POLK: variants seen among roughly 807,000 people sequenced by gnomAD.
POLK encodes polymerase (DNA directed) kappa.
Under a neutral mutation model 94.0 loss-of-function variants are expected in POLK, and 76 were observed. That is an observed-to-expected ratio of 0.81 (90% CI 0.67 to 0.98). The LOEUF (loss-of-function observed/expected upper bound fraction) is 0.98, where lower values mean the gene tolerates loss of function less well. POLK is among the 50% of genes least tolerant of loss of function. The pLI is 0.00. For missense variants in POLK, 954 were observed against 1,010.1 expected, an observed-to-expected ratio of 0.94 and a Z score of 0.75; for synonymous variants, 349 against 325.4, an observed-to-expected ratio of 1.07 and a Z score of -0.78.
At chr5:75,526,866 C>T (rs182854089) in intron 1 of POLK, among the ~76,000 whole-genome samples, 1 of 152,312 alleles carries the variant, frequency 6.6e-6, no homozygotes, top group East Asian at 1.9e-4. Flanking sequence ...TGGGCATGAG[C>T]CACTGCACCT....
intron 3 of POLK, among the ~76,000 whole-genome samples, chr5:75,568,098 C>A (rs1347584481): frequency 1.3e-5 from 2 of 152,128 alleles, no homozygotes; most frequent in Non-Finnish European, 2.9e-5. Flanking sequence ...AGCTCTCCAC[C>A]TTTGAGAAAA....
chr5:75,589,296 G>A (rs1046261295), intron 10 of POLK, among the ~76,000 whole-genome samples: 9 of 149,558 alleles, frequency 6.0e-5, no homozygotes, highest in African/African-American at 2.2e-4. Context: ...AGAAAAGCAG[G>A]GTACTAAACA....
rs145403964 is a variant in POLK, at chr5:75,580,673, G to A, written c.695-536G>A. The A allele has an allele frequency of 8.1e-4, 174 of 214,680 alleles. 1 individual carries two copies. In the East Asian group the frequency reaches 0.028, roughly 34 times the overall value. 13.3% of individuals were successfully genotyped at this position (214,680 alleles called of 1,614,324 possible). A position where few individuals can be genotyped will look rare whatever the true frequency, so the allele number is the denominator to read the frequency against. On this transcript the variant is annotated intron_variant, in intron 6 of 14. Coordinates refer to ENST00000241436, the Ensembl canonical transcript of POLK. ...AACAAGCAAATCAAAATTAAAATCA[G>A]CATTTGAAAGAAGAAAATTCAGATT... is the stretch of plus-strand genomic sequence containing the variant.
chr5:75,565,203 T>G, intron 3 of POLK, among the ~76,000 whole-genome samples: 1 of 152,168 alleles, frequency 6.6e-6, no homozygotes, highest in African/African-American at 2.4e-5. Flanking sequence ...CTTCCCGAAG[T>G]TCTTGTGCTG....
chr5:75,551,831 G>C (rs1393399198), intron 2 of POLK, among the ~76,000 whole-genome samples: 2 of 152,178 alleles, frequency 1.3e-5, no homozygotes, highest in East Asian at 1.9e-4. Flanking sequence ...GTTGAGTATA[G>C]AGGTACCATA....
intron 3 of POLK, among the ~76,000 whole-genome samples, chr5:75,563,840 C>T (rs577236379): frequency 1.5e-4 from 23 of 152,112 alleles, no homozygotes; most frequent in South Asian, 4.2e-4. Context: ...AGAATAATTG[C>T]GATGTGTTGC....
chr5:75,600,602 A>G lies in POLK; in HGVS notation c.*2584A>G, dbSNP rs546884127. The G allele has an allele frequency of 2.6e-5, 4 of 152,332 alleles. No individual in the cohort carries two copies. The South Asian group carries it at 6.2e-4, about 24-fold the overall frequency. 9.4% of individuals were successfully genotyped at this position (152,332 alleles called of 1,614,324 possible). ...AGGTGGCCAAGAAAAAAATTTTTTA[A>G]TGTTCATAGCAGCACTGCAATATCC... On this transcript the variant is annotated 3_prime_UTR_variant, in exon 15 of 15. Coordinates refer to ENST00000241436, the Ensembl canonical transcript of POLK.
intron 1 of POLK, among the ~76,000 whole-genome samples, chr5:75,544,090 G>A (rs1228538133): frequency 1.3e-5 from 2 of 152,280 alleles, no homozygotes; most frequent in Admixed American, 1.3e-4. Context: ...TCCTGCCTTG[G>A]CCTCACAAAG....
intron 1 of POLK, among the ~76,000 whole-genome samples, chr5:75,524,392 G>A (rs1008896669): frequency 2.0e-5 from 3 of 152,140 alleles, no homozygotes; most frequent in African/African-American, 7.2e-5. Context: ...AGACAGTGGA[G>A]TTTAATTGGC....
At chr5:75,510,866 T>C (rs1228105327), upstream of POLK, among the ~76,000 whole-genome samples, 1 of 152,170 alleles carries the variant, frequency 6.6e-6, no homozygotes, top group African/African-American at 2.4e-5. Context: ...GGCGCGCATC[T>C]GGCCTCCCAA....
At chr5:75,558,999 C>A (rs968128718) in intron 3 of POLK, among the ~76,000 whole-genome samples, 1 of 152,162 alleles carries the variant, frequency 6.6e-6, no homozygotes, top group Non-Finnish European at 1.5e-5. Flanking sequence ...TTGACTATTT[C>A]ATCAGAGGCT....
intron 13 of POLK, chr5:75,597,464 G>T: frequency 2.5e-6 from 1 of 407,342 alleles, no homozygotes; most frequent in Non-Finnish European, 4.3e-6. Context: ...GAACATCTGT[G>T]AAGGCACAGT....
chr5:75,597,097 T>C, exon 13 of POLK: 1 of 1,613,262 alleles, frequency 6.2e-7, no homozygotes, highest in Non-Finnish European at 8.5e-7. Flanking sequence ...GGATGTTTGC[T>C]TAAATAAAAG....
rs960406151 is a variant in POLK, at chr5:75,537,527, T to C, written c.-13-9483T>C. On this transcript the variant is annotated intron_variant, in intron 1 of 14. Transcript: ENST00000241436. ...ATCAGCTTGCAGGGTCAGTGTTCAG[T>C]AGCCCTTTTGCTTATTCTCTGTGAG... 9.7e-4 allele frequency among the ~76,000 whole-genome samples: 148 copies of C among 152,350 alleles called. 1 individual carries two copies. The highest frequency in any genetic ancestry group is 8.5e-4 in the Non-Finnish European group (58 of 68,026).
chr5:75,576,655 C>A (rs1383393351), intron 5 of POLK, 125 bp from the exon 6 acceptor site: 2 of 437,820 alleles, frequency 4.6e-6, no homozygotes, highest in Non-Finnish European at 8.2e-6. Context: ...AATCCATGAA[C>A]TATTGACTGC....
chr5:75,595,676 C>T (rs923867953), intron 12 of POLK, among the ~76,000 whole-genome samples: 2 of 152,092 alleles, frequency 1.3e-5, no homozygotes, highest in Non-Finnish European at 2.9e-5. Flanking sequence ...ATTTGTCCAG[C>T]GCCCAGGATG....
At chr5:75,552,733 ATACTT>A (rs1431549872) in intron 3 of POLK, 142 bp downstream of exon 3, 10 of 871,482 alleles carry the variant, frequency 1.1e-5, no homozygotes, top group East Asian at 2.5e-5. Flanking sequence ...GCAAATGAAC[ATACTT>A]TACTTTGCTA....
At chr5:75,570,220 C>G (rs540099643) in intron 4 of POLK, among the ~76,000 whole-genome samples, 5 of 152,108 alleles carry the variant, frequency 3.3e-5, no homozygotes, top group Non-Finnish European at 7.4e-5. Context: ...AAAGAAAACT[C>G]AGAGAGATGT....
downstream of POLK, among the ~76,000 whole-genome samples, chr5:75,606,012 C>A (rs2112930265): frequency 7.8e-6 from 1 of 128,202 alleles, no homozygotes; most frequent in African/African-American, 3.0e-5. Flanking sequence ...ATTTATTGAT[C>A]ATCTGTGGGT....
Sources: allele counts gnomAD v4.1 joint callset (sites outside exome capture counted in the v4.1 genomes callset), GRCh38; gene constraint gnomAD v4.1.1; transcripts MANE v1.5; gene names NCBI Gene and HGNC (gene_info 2026-07-23, HGNC 2026-07-21).